EPHX2: variants seen among roughly 807,000 people sequenced by gnomAD.
EPHX2 encodes epoxide hydrolase 2, also known as bifunctional epoxide hydrolase 2.
EPHX2 carries 74 observed loss-of-function variants against 78.7 expected under a neutral mutation model. The observed-to-expected ratio is 0.94, with a 90% CI of 0.78 to 1.14. The LOEUF (loss-of-function observed/expected upper bound fraction) is 1.14. Among genes scored for constraint, EPHX2 ranks in the 50% most tolerant of loss-of-function variants. EPHX2 has a pLI of 0.00. For missense variants in EPHX2, 715 were observed against 702.5 expected, an observed-to-expected ratio of 1.02 and a Z score of -0.20; for synonymous variants, 251 against 255.2, an observed-to-expected ratio of 0.98 and a Z score of 0.16.
chr8:27,525,905 C>T (rs1814829639), intron 12 of EPHX2, among the ~76,000 whole-genome samples: 1 of 152,282 alleles, frequency 6.6e-6, no homozygotes, highest in Non-Finnish European at 1.5e-5. Flanking sequence ...ACAAAGATGC[C>T]TTTCAAAGAT....
intron 14 of EPHX2, among the ~76,000 whole-genome samples, chr8:27,539,811 G>C (rs752881516): frequency 7.9e-5 from 12 of 152,186 alleles, no homozygotes; most frequent in Non-Finnish European, 1.3e-4. Context: ...ATCACAGGGT[G>C]ACATCCTCAT....
In EPHX2 at chr8:27,544,374, C is replaced by A. The variant is rs1372028806; in HGVS notation, c.1590-70C>A. ...CACTCATGTCACTCACCTCTGCCTT[C>A]GAGTTGGCTGGGTAGGTGCAGACAA... On this transcript the variant is annotated intron_variant, in intron 18 of 18. Coordinates refer to ENST00000521400, the MANE Select transcript of EPHX2 (RefSeq NM_001979.6). 3 of 1,598,546 alleles carry A rather than the reference C, an allele frequency of 1.9e-6. No individual in the cohort carries two copies. In the African/African-American group the frequency reaches 4.0e-5, roughly 21 times the overall value.
chr8:27,539,113 C>T (rs1166017020), intron 14 of EPHX2: 1 of 171,704 alleles, frequency 5.8e-6, no homozygotes, highest in African/African-American at 2.4e-5. Flanking sequence ...TTTCCAATTC[C>T]CCCACCTGGA....
At position 27,515,698 on chromosome 8, in the gene EPHX2, C is replaced by T; in HGVS notation, c.736-20C>T. The T allele has an allele frequency of 1.9e-6, 3 of 1,611,422 alleles. No homozygotes were observed. The highest frequency in any genetic ancestry group is 2.5e-6 in the Non-Finnish European group (3 of 1,178,420). ...GGGCCTGGTGCTTGGTCGCTGCCCT[C>T]TCCTCTTTCCCTTCCACAGCCCAGG... On this transcript the variant is annotated intron_variant, in intron 6 of 18. Coordinates refer to ENST00000521400, the MANE Select transcript of EPHX2 (RefSeq NM_001979.6).
chr8:27,520,779 A>G (rs1956916803), intron 9 of EPHX2, 104 bp from the exon 10 acceptor site: 3 of 1,358,880 alleles, frequency 2.2e-6, no homozygotes. Context: ...GGGGGTTAGG[A>G]CTTCAACACA....
intron 12 of EPHX2, among the ~76,000 whole-genome samples, chr8:27,531,370 G>T (rs1308595516): frequency 1.3e-5 from 2 of 152,172 alleles, no homozygotes; most frequent in Non-Finnish European, 2.9e-5. Flanking sequence ...CTAAGTCTTT[G>T]CTGTCCACCT....
At chr8:27,518,127 A>T (rs1585203590) in intron 9 of EPHX2, 55 bp downstream of exon 9, 2 of 1,489,786 alleles carry the variant, frequency 1.3e-6, no homozygotes, top group South Asian at 2.4e-5. Context: ...GTTGCTATAA[A>T]CCCGAAGCTG....
At chr8:27,493,523 T>G (rs1813463201) in intron 1 of EPHX2, among the ~76,000 whole-genome samples, 3 of 152,184 alleles carry the variant, frequency 2.0e-5, no homozygotes, top group Non-Finnish European at 4.4e-5. Flanking sequence ...AATGAAGTAG[T>G]TAAACTGGCT....
rs377439293 is a variant in EPHX2, at chr8:27,503,652, A to G, written c.235A>G (p.Lys79Glu). 6.2e-7 allele frequency: 1 copy of G among 1,613,820 alleles called. No individual in the cohort carries two copies. Reference sequence around the variant, plus strand: ...CTGCAGGAAGTGCTCCGAGACCGCTAAAGTCTGCCTCCCCAAGAATTTCTC... The same window carrying G: ...CTGCAGGAAGTGCTCCGAGACCGCTGAAGTCTGCCTCCCCAAGAATTTCTC... ...ENCRKCSETA[K>E]VCLPKNFSIK... Residue 79 changes from lysine to glutamate, a missense_variant, in exon 3 of 19, where the codon AAA (lysine) becomes GAA (glutamate). Physicochemically the swap from Lys to Glu is moderately conservative, Grantham distance 56. Transcript: ENST00000521400.
intron 12 of EPHX2, among the ~76,000 whole-genome samples, chr8:27,530,355 G>C (rs17057310): frequency 1.1e-4 from 17 of 152,052 alleles, no homozygotes; most frequent in African/African-American, 3.9e-4. Context: ...AAAGTAAAAA[G>C]CTGAATCGCC....
chr8:27,544,601 C>A lies in EPHX2; in HGVS notation c.*79C>A. 1 of 1,441,858 alleles carries A rather than the reference C, an allele frequency of 6.9e-7. No homozygotes were observed. Among genetic ancestry groups the A allele is most frequent in the Non-Finnish European group, 9.7e-7 (1 of 1,026,028 alleles). The allele number at this position is 1,441,858 out of a possible 1,614,324, so 89.3% of individuals were successfully genotyped here. On this transcript the variant is annotated 3_prime_UTR_variant, in exon 19 of 19. Transcript: ENST00000521400. Reference sequence around the variant, plus strand: ...CACCATTCTTAGTATACAGAGGTGGCCTTACACACATCTTGCATGGATGGC... The same window carrying A: ...CACCATTCTTAGTATACAGAGGTGGACTTACACACATCTTGCATGGATGGC...
intron 4 of EPHX2, among the ~76,000 whole-genome samples, chr8:27,505,384 G>C (rs1464603706): frequency 2.6e-5 from 4 of 152,136 alleles, no homozygotes; most frequent in Non-Finnish European, 5.9e-5. Context: ...GTCAAAACAG[G>C]CATCAGCAAA....
At chr8:27,491,396 T>G in intron 1 of EPHX2, 87 bp downstream of exon 1, 2 of 1,038,632 alleles carry the variant, frequency 1.9e-6, no homozygotes, top group Non-Finnish European at 2.6e-6. Flanking sequence ...TTCAGATTGC[T>G]CCTGTGCCGG....
chr8:27,519,556 A>C (rs1460781404), intron 9 of EPHX2, among the ~76,000 whole-genome samples: 1 of 152,198 alleles, frequency 6.6e-6, no homozygotes, highest in Admixed American at 6.5e-5. Context: ...ATTGGCATAC[A>C]CTGAATAATT....
At chr8:27,538,812 C>A in intron 14 of EPHX2, 120 bp downstream of exon 14, 4 of 1,144,722 alleles carry the variant, frequency 3.5e-6, no homozygotes, top group Admixed American at 1.8e-5. Context: ...TTAAGTTGCC[C>A]AACCAGGGTC....
Position 27,543,694 on chromosome 8 carries a change from G to A in EPHX2, c.1450-55G>A, listed in dbSNP as rs1815485146. On this transcript the variant is annotated intron_variant, in intron 16 of 18. Coordinates refer to ENST00000521400, the MANE Select transcript of EPHX2 (RefSeq NM_001979.6). ...CGAGCAGGGGTCTTTCAGAGGAGGAGGGAGGGCTTCCTTTGTGGAGTGCTG... is the reference window on the plus strand; with the variant it reads ...CGAGCAGGGGTCTTTCAGAGGAGGAAGGAGGGCTTCCTTTGTGGAGTGCTG... 4 of 1,585,348 alleles carry A rather than the reference G, an allele frequency of 2.5e-6. No individual in the cohort carries two copies. In the East Asian group the frequency reaches 6.7e-5, roughly 27 times the overall value.
intron 7 of EPHX2, 34 bp downstream of exon 7, chr8:27,515,847 G>A: frequency 6.3e-7 from 1 of 1,589,974 alleles, no homozygotes. Flanking sequence ...GCCAGTCAGG[G>A]TGAGGTTGGG....
At chr8:27,509,451 T>C (rs1445639397) in intron 5 of EPHX2, among the ~76,000 whole-genome samples, 1 of 152,210 alleles carries the variant, frequency 6.6e-6, no homozygotes, top group African/African-American at 2.4e-5. Flanking sequence ...TATTTATTAT[T>C]ATTTCTTTTT....
intron 5 of EPHX2, 124 bp downstream of exon 5, chr8:27,507,118 G>A (rs1476427302): frequency 4.0e-6 from 5 of 1,260,828 alleles, no homozygotes; most frequent in Non-Finnish European, 5.4e-6. Context: ...GGCACCGCTG[G>A]TTGGGAGTCC....
Sources: allele counts gnomAD v4.1 joint callset (sites outside exome capture counted in the v4.1 genomes callset), GRCh38; gene constraint gnomAD v4.1.1; transcripts MANE v1.5; gene names NCBI Gene and HGNC (gene_info 2026-07-23, HGNC 2026-07-21).